ATR: variants seen among roughly 807,000 people sequenced by gnomAD.
The protein encoded by ATR is ATR checkpoint kinase, also known as serine/threonine-protein kinase ATR.
ATR carries 142 observed loss-of-function variants against 305.3 expected under a neutral mutation model. The ratio of observed to expected loss-of-function variants is 0.47; its 90% confidence interval spans 0.41 to 0.53. The LOEUF (loss-of-function observed/expected upper bound fraction) is 0.53. Among genes scored for constraint, ATR ranks in the 20% least tolerant of loss-of-function variants. ATR has a pLI of 0.00. For missense variants in ATR, 2,135 were observed against 3,133.1 expected, an observed-to-expected ratio of 0.68 and a Z score of 7.60; for synonymous variants, 1,050 against 1,068.1, an observed-to-expected ratio of 0.98 and a Z score of 0.33.
At chr3:142,466,211 T>A in intron 40 of ATR, 113 bp downstream of exon 40, 1 of 1,232,562 alleles carries the variant, frequency 8.1e-7, no homozygotes, top group Non-Finnish European at 1.1e-6. Context: ...TTTCCAATTA[T>A]TTTTCTTCAC....
intron 35 of ATR, among the ~76,000 whole-genome samples, chr3:142,492,349 A>C (rs2031336595): frequency 6.6e-6 from 1 of 152,158 alleles, no homozygotes; most frequent in Non-Finnish European, 1.5e-5. Context: ...TAGCCTCTGC[A>C]TGTTTATTCT....
intron 24 of ATR, 28 bp from the exon 25 acceptor site, chr3:142,515,543 A>G (rs1434091130): frequency 1.3e-6 from 2 of 1,586,968 alleles, no homozygotes; most frequent in Non-Finnish European, 1.7e-6. Flanking sequence ...TGTTTATTAA[A>G]AAGATAAATC....
At position 142,453,019 on chromosome 3, in the gene ATR, A is replaced by C. The variant is rs1325883897; in HGVS notation, c.7761+109T>G. On this transcript the variant is annotated intron_variant, in intron 46 of 46. Transcript: ENST00000350721. The stretch of plus-strand genomic sequence containing the variant: ...TTCAGAGTAATCAATAGTCACTAAC[A>C]GTATTTCCAAGCAGTTCTCATGCAT... The C allele has an allele frequency of 2.6e-6, 4 of 1,557,660 alleles. No individual in the cohort carries two copies. The East Asian group carries it at 9.4e-5, about 37-fold the overall frequency.
intron 21 of ATR, among the ~76,000 whole-genome samples, chr3:142,532,953 T>C (rs1434046364): frequency 6.6e-6 from 1 of 152,154 alleles, no homozygotes; most frequent in Admixed American, 6.6e-5. Context: ...TTCAACCAAC[T>C]TGTAGAGCTG....
intron 25 of ATR, among the ~76,000 whole-genome samples, chr3:142,514,273 A>G (rs1333561190): frequency 1.3e-5 from 2 of 151,482 alleles, no homozygotes; most frequent in Admixed American, 1.3e-4. Flanking sequence ...TCAAAAAAAA[A>G]GAAAATGTCT....
chr3:142,566,029 T>A (rs2108493361), intron 3 of ATR, 92 bp downstream of exon 3: 1 of 1,563,376 alleles, frequency 6.4e-7, no homozygotes, highest in Non-Finnish European at 8.8e-7. Context: ...CCCAAAAAAG[T>A]ATAATCCTGT....
In ATR at chr3:142,512,438, A is replaced by G. The variant is rs1280542933; in HGVS notation, c.4674T>C (p.His1558=). ...VYAEIMAVLK[H]DDQHTINTQD... The stretch of plus-strand genomic sequence containing the variant: ...GGGTATTTATGGTATGCTGATCGTC[A>G]TGCTTTAGAACTGCCATAATTTCTG... The change falls in exon 27 of 47, where the codon CAT becomes CAC. Residue 1558 remains histidine (H), a synonymous_variant. Coordinates refer to ENST00000350721, the MANE Select transcript of ATR (RefSeq NM_001184.4). The G allele has an allele frequency of 2.5e-6, 4 of 1,613,218 alleles. 1 individual carries two copies. In the South Asian group the frequency reaches 3.3e-5, roughly 13 times the overall value.
At chr3:142,494,308 G>A (rs2031462703) in intron 34 of ATR, among the ~76,000 whole-genome samples, 2 of 151,866 alleles carry the variant, frequency 1.3e-5, no homozygotes, top group Admixed American at 1.3e-4. Context: ...TATCAAGAAA[G>A]GACTATAATC....
chr3:142,482,993 T>C lies in ATR; in HGVS notation c.6221+2147A>G, dbSNP rs191421899. Reference sequence around the variant, plus strand: ...GAACATATGCCCCCTTTCTTTCTTTTTTTTTTTTCTTTCTTTCTTTTTTTT... The same window carrying C: ...GAACATATGCCCCCTTTCTTTCTTTCTTTTTTTTCTTTCTTTCTTTTTTTT... On this transcript the variant is annotated intron_variant, in intron 36 of 46. Transcript: ENST00000350721. Among the ~76,000 whole-genome samples the C allele has an allele frequency of 1.7e-3, 257 of 150,318 alleles. 4 individuals are homozygous for C. Among genetic ancestry groups the C allele is most frequent in the African/African-American group, 5.8e-3 (236 of 40,386 alleles).
At chr3:142,516,620 A>T (rs901959897) in intron 24 of ATR, among the ~76,000 whole-genome samples, 1 of 152,104 alleles carries the variant, frequency 6.6e-6, no homozygotes, top group African/African-American at 2.4e-5. Context: ...GTAAAAACAA[A>T]ATCATTGCTT....
intron 21 of ATR, among the ~76,000 whole-genome samples, chr3:142,525,888 A>G (rs964871983): frequency 6.6e-6 from 1 of 152,206 alleles, no homozygotes; most frequent in South Asian, 2.1e-4. Context: ...TGCTTCTTGT[A>G]TAGGTTGCAG....
rs945854505 is a variant in ATR, at chr3:142,559,512, T to A, written c.1542-71A>T. 7 of 1,467,280 alleles carry A rather than the reference T, an allele frequency of 4.8e-6. No homozygotes were observed. In the African/African-American group the frequency reaches 8.4e-5, roughly 18 times the overall value. The allele number at this position is 1,467,280 out of a possible 1,614,324, so 90.9% of individuals were successfully genotyped here. A position where few individuals can be genotyped will look rare whatever the true frequency, so the allele number is the denominator to read the frequency against. Reference sequence around the variant, plus strand: ...TTTGTTATAGTCAAACATAAAATTGTAGTAAAGCCAAAAGAAATTGTGAGT... The same window carrying A: ...TTTGTTATAGTCAAACATAAAATTGAAGTAAAGCCAAAAGAAATTGTGAGT... On this transcript the variant is annotated intron_variant, in intron 6 of 46. Transcript: ENST00000350721.
At chr3:142,565,027 G>A (rs139495489) in intron 3 of ATR, among the ~76,000 whole-genome samples, 9 of 152,252 alleles carry the variant, frequency 5.9e-5, no homozygotes, top group South Asian at 2.1e-4. Flanking sequence ...GATTACAGGC[G>A]TGAGACATCG....
chr3:142,496,356 A>T lies in ATR; in HGVS notation c.5898+5T>A. 1 of 1,487,244 alleles carries T rather than the reference A, an allele frequency of 6.7e-7. No individual in the cohort carries two copies. 92.1% of individuals were successfully genotyped at this position (1,487,244 alleles called of 1,614,324 possible). Reference sequence around the variant, plus strand: ...TATATATGATGACATTTCCCTGGCCATTACCTTGGACCAGAGCCACTTTGC... The same window carrying T: ...TATATATGATGACATTTCCCTGGCCTTTACCTTGGACCAGAGCCACTTTGC... On this transcript the variant is annotated splice_donor_5th_base_variant and intron_variant, in intron 34 of 46. Transcript: ENST00000350721.
intron 7 of ATR, 158 bp from the exon 8 acceptor site, chr3:142,558,934 C>T: frequency 2.7e-6 from 2 of 742,302 alleles, no homozygotes; most frequent in East Asian, 2.8e-5. Context: ...GGTCTGTGAA[C>T]CCAAAGAAAT....
chr3:142,524,467 T>C (rs2033287480), intron 21 of ATR, among the ~76,000 whole-genome samples: 1 of 152,126 alleles, frequency 6.6e-6, no homozygotes. Context: ...TTTATCAATA[T>C]ACAAAAAATC....
At chr3:142,558,138 C>G (rs2034737565) in intron 8 of ATR, among the ~76,000 whole-genome samples, 1 of 152,026 alleles carries the variant, frequency 6.6e-6, no homozygotes, top group African/African-American at 2.4e-5. Flanking sequence ...TATCTAACCC[C>G]CTTCTGAACT....
intron 24 of ATR, among the ~76,000 whole-genome samples, chr3:142,515,877 C>T (rs774970549): frequency 6.6e-6 from 1 of 152,122 alleles, no homozygotes; most frequent in Non-Finnish European, 1.5e-5. Flanking sequence ...TAGAACACTG[C>T]TCAGGGTTTT....
chr3:142,523,123 T>C (rs373311909), intron 22 of ATR, among the ~76,000 whole-genome samples: 5 of 152,094 alleles, frequency 3.3e-5, no homozygotes, highest in East Asian at 1.9e-4. Flanking sequence ...TTTTTAACCC[T>C]TAAAAAGCAA....
Sources: gnomAD v4.1 joint callset for allele counts (sites outside exome capture counted in the v4.1 genomes callset) on GRCh38, gnomAD v4.1.1 for gene constraint, MANE v1.5 for transcripts, NCBI Gene and HGNC (gene_info 2026-07-23, HGNC 2026-07-21) for gene names.